Variants in STAT1 observed in about 807,000 individuals in gnomAD.
STAT1 encodes the protein signal transducer and activator of transcription 1-alpha/beta.
A neutral mutation model predicts 111.7 loss-of-function variants in STAT1; 24 were observed. The observed-to-expected ratio is 0.21, with a 90% CI of 0.16 to 0.30. The LOEUF is 0.30. Among genes scored for constraint, STAT1 ranks in the 10% least tolerant of loss-of-function variants. STAT1 has a pLI of 1.00. For synonymous variants in STAT1, 332 were observed against 326.5 expected, an observed-to-expected ratio of 1.02 and a Z score of -0.18; for missense variants, 351 against 911.9, an observed-to-expected ratio of 0.38 and a Z score of 7.92.
Position 190,981,811 on chromosome 2 carries a change from T to C in STAT1, c.1582+572A>G, listed in dbSNP as rs1692415878. Among the ~76,000 whole-genome samples, 1 of 152,270 alleles carries C rather than the reference T, an allele frequency of 6.6e-6. No individual in the cohort carries two copies. The highest frequency in any genetic ancestry group is 2.1e-4 in the South Asian group (1 of 4,834). On this transcript the variant is annotated intron_variant, in intron 18 of 24. Coordinates refer to ENST00000361099, the MANE Select transcript of STAT1 (RefSeq NM_007315.4). The surrounding 1 kb of genome is among the most constrained non-coding windows in gnomAD (Gnocchi z 4.1). ...TAGTGGATCTTTGATTTGTTTAGTA[T>C]GAAGGACTAATAAATGCACTGACAT... is the stretch of plus-strand genomic sequence containing the variant.
rs13012785 is a variant in STAT1, at chr2:190,987,720, T to G, written c.1098-652A>C. ...TTTGTCATGTTCTGGCCAAATAATGTATCCGTGAGCGTCCTAGATGTAGAC... is the reference window on the plus strand; with the variant it reads ...TTTGTCATGTTCTGGCCAAATAATGGATCCGTGAGCGTCCTAGATGTAGAC... On this transcript the variant is annotated intron_variant, in intron 12 of 24. Coordinates refer to ENST00000361099, the MANE Select transcript of STAT1 (RefSeq NM_007315.4). This position sits in a 1 kb window ranked among gnomAD's most constrained non-coding sequence, Gnocchi z 4.0. Among the ~76,000 whole-genome samples, 1 of 152,218 alleles carries G rather than the reference T, an allele frequency of 6.6e-6. No individual in the cohort carries two copies. The highest frequency in any genetic ancestry group is 1.5e-5 in the Non-Finnish European group (1 of 68,030).
At position 190,999,870 on chromosome 2, in the gene STAT1, C is replaced by T. The variant is rs554366478; in HGVS notation, c.463-166G>A. 5.3e-5 allele frequency among the ~76,000 whole-genome samples: 8 copies of T among 152,262 alleles called. No homozygotes were observed. The highest frequency in any genetic ancestry group is 2.1e-4 in the South Asian group (1 of 4,826). ...TCTAATCATATACATGAAATAATTTCGGTTTCATTAATAAGTATGTCATAA... is the reference window on the plus strand; with the variant it reads ...TCTAATCATATACATGAAATAATTTTGGTTTCATTAATAAGTATGTCATAA... On this transcript the variant is annotated intron_variant, in intron 6 of 24. Coordinates refer to ENST00000361099, the MANE Select transcript of STAT1 (RefSeq NM_007315.4). The surrounding 1 kb of genome is among the most constrained non-coding windows in gnomAD (Gnocchi z 4.1).
In STAT1 at chr2:190,982,301, T is replaced by C. The variant is rs978720146; in HGVS notation, c.1582+82A>G. ...TAGTACTTTTTTACCTTTAACAAAA[T>C]AGCAGAGGGGAAAAGAGCAATTAGA... On this transcript the variant is annotated intron_variant, in intron 18 of 24. Coordinates refer to ENST00000361099, the MANE Select transcript of STAT1 (RefSeq NM_007315.4). This position sits in a 1 kb window ranked among gnomAD's most constrained non-coding sequence, Gnocchi z 7.3. The C allele has an allele frequency of 1.3e-6, 2 of 1,538,904 alleles. No individual in the cohort carries two copies. Among genetic ancestry groups the C allele is most frequent in the African/African-American group, 1.4e-5 (1 of 73,156 alleles).
chr2:190,974,300 C>A lies in STAT1; in HGVS notation c.2238+530G>T, dbSNP rs1479736933. Reference sequence around the variant, plus strand: ...TCATTAACTATTTCACTCCTTGAACCTTTTACTCTTGGCAAGCCCTTCACA... The same window carrying A: ...TCATTAACTATTTCACTCCTTGAACATTTTACTCTTGGCAAGCCCTTCACA... On this transcript the variant is annotated intron_variant, in intron 24 of 24. Coordinates refer to ENST00000361099, the MANE Select transcript of STAT1 (RefSeq NM_007315.4). The surrounding 1 kb of genome is among the most constrained non-coding windows in gnomAD (Gnocchi z 4.8). Among the ~76,000 whole-genome samples the A allele has an allele frequency of 1.3e-5, 2 of 152,190 alleles. No homozygotes were observed. Among genetic ancestry groups the A allele is most frequent in the Non-Finnish European group, 2.9e-5 (2 of 68,036 alleles).
At chr2:190,972,233 T>A (rs532275394) in intron 24 of STAT1, among the ~76,000 whole-genome samples, 1 of 152,358 alleles carries the variant, frequency 6.6e-6, no homozygotes, top group South Asian at 2.1e-4. Context: ...TTAGATGGCA[T>A]ACGTAAAATG....
chr2:190,992,828 C>G (rs1033294198), intron 10 of STAT1: 10 of 356,116 alleles, frequency 2.8e-5, no homozygotes, highest in Middle Eastern at 7.7e-4. Flanking sequence ...CTTGCTCCGT[C>G]TCCTAGGCTG....
intron 5 of STAT1, among the ~76,000 whole-genome samples, chr2:191,001,466 C>T (rs1049489420): frequency 2.6e-5 from 4 of 152,178 alleles, no homozygotes; most frequent in Non-Finnish European, 5.9e-5. Context: ...TTCTCAGATA[C>T]TATACACAAG....
At position 190,975,347 on chromosome 2, in the gene STAT1, T is replaced by G. The variant is rs1016336173; in HGVS notation, c.2136-415A>C. 6.2e-6 allele frequency: 3 copies of G among 484,170 alleles called. No homozygotes were observed. Among genetic ancestry groups the G allele is most frequent in the Non-Finnish European group, 1.3e-5 (3 of 237,312 alleles). The allele number at this position is 484,170 out of a possible 1,614,324, so 30.0% of individuals were successfully genotyped here. On this transcript the variant is annotated intron_variant, in intron 23 of 24. Transcript: ENST00000361099. This position sits in a 1 kb window ranked among gnomAD's most constrained non-coding sequence, Gnocchi z 5.9. ...ATGCAGATAAAGCTGCTCCACACAGTGTTTTTACATGAAGGCTACATCCAT... is the reference window on the plus strand; with the variant it reads ...ATGCAGATAAAGCTGCTCCACACAGGGTTTTTACATGAAGGCTACATCCAT...
Position 190,969,906 on chromosome 2 carries a change from T to G in STAT1, c.*797A>C, listed in dbSNP as rs1270055315. The G allele has an allele frequency of 6.6e-6, 1 of 152,286 alleles. No individual in the cohort carries two copies. 9.4% of individuals were successfully genotyped at this position (152,286 alleles called of 1,614,324 possible). A position where few individuals can be genotyped will look rare whatever the true frequency, so the allele number is the denominator to read the frequency against. On this transcript the variant is annotated 3_prime_UTR_variant, in exon 25 of 25. Transcript: ENST00000361099. The stretch of plus-strand genomic sequence containing the variant: ...GTGGTTGTGAATAGCCTAACTCCCT[T>G]GGGAGAACTGTAAAAATAATTGTAT...
intron 5 of STAT1, among the ~76,000 whole-genome samples, chr2:191,002,119 T>A (rs185230845): frequency 2.0e-5 from 3 of 152,224 alleles, no homozygotes; most frequent in Non-Finnish European, 4.4e-5. Flanking sequence ...CTCATTTCCC[T>A]AGCACTTGCA....
At position 190,980,770 on chromosome 2, in the gene STAT1, A is replaced by G; in HGVS notation, c.1583-101T>C. ...ATTTGCTCTCAAGGAAAAGAGCCAA[A>G]CACCCAACAAAGATTGTATGTACAC... is the stretch of plus-strand genomic sequence containing the variant. On this transcript the variant is annotated intron_variant, in intron 18 of 24. Coordinates refer to ENST00000361099, the MANE Select transcript of STAT1 (RefSeq NM_007315.4). The surrounding 1 kb of genome is among the most constrained non-coding windows in gnomAD (Gnocchi z 6.1). The G allele has an allele frequency of 1.7e-6, 2 of 1,149,496 alleles. No homozygotes were observed. Among genetic ancestry groups the G allele is most frequent in the Non-Finnish European group, 2.6e-6 (2 of 769,062 alleles). 71.2% of individuals were successfully genotyped at this position (1,149,496 alleles called of 1,614,324 possible).
rs1423147462 is a variant in STAT1 at position 191,007,319 on chromosome 2, C to CTT, written c.372+242_372+243dup. ...AATTCAGCATGTTATCTTCTCAGCACTTTATGCTACCCAGAAGTATCTTGT... is the reference window on the plus strand; with the variant it reads ...AATTCAGCATGTTATCTTCTCAGCACTTTTTATGCTACCCAGAAGTATCTTGT... On this transcript the variant is annotated intron_variant, in intron 5 of 24. Coordinates refer to ENST00000361099, the MANE Select transcript of STAT1 (RefSeq NM_007315.4). This position sits in a 1 kb window ranked among gnomAD's most constrained non-coding sequence, Gnocchi z 4.2. 1.3e-5 allele frequency among the ~76,000 whole-genome samples: 2 copies of CTT among 152,210 alleles called. No individual in the cohort carries two copies. Among genetic ancestry groups the CTT allele is most frequent in the Non-Finnish European group, 2.9e-5 (2 of 68,042 alleles).
chr2:191,000,665 T>C lies in STAT1; in HGVS notation c.462+409A>G, dbSNP rs563583968. Among the ~76,000 whole-genome samples the C allele has an allele frequency of 6.6e-6, 1 of 152,284 alleles. No individual in the cohort carries two copies. Among genetic ancestry groups the C allele is most frequent in the African/African-American group, 2.4e-5 (1 of 41,558 alleles). ...TGTATCCAAATTTCTTTCAATAAAA[T>C]GTATTTTTGTTCCTCTTCCAAGTCT... is the stretch of plus-strand genomic sequence containing the variant. On this transcript the variant is annotated intron_variant, in intron 6 of 24. Coordinates refer to ENST00000361099, the MANE Select transcript of STAT1 (RefSeq NM_007315.4). This position sits in a 1 kb window ranked among gnomAD's most constrained non-coding sequence, Gnocchi z 4.8.
Position 190,974,747 on chromosome 2 carries a change from C to T in STAT1, c.2238+83G>A. On this transcript the variant is annotated intron_variant, in intron 24 of 24. Transcript: ENST00000361099. This position sits in a 1 kb window ranked among gnomAD's most constrained non-coding sequence, Gnocchi z 4.8. ...GCCAGGGCTCCCTCCCGCAGACAGG[C>T]CCGGGATCTGCCATGGTGCGCTCCC... The T allele has an allele frequency of 8.0e-7, 1 of 1,246,720 alleles. No homozygotes were observed. The highest frequency in any genetic ancestry group is 1.2e-6 in the Non-Finnish European group (1 of 849,280). 77.2% of individuals were successfully genotyped at this position (1,246,720 alleles called of 1,614,324 possible). A position where few individuals can be genotyped will look rare whatever the true frequency, so the allele number is the denominator to read the frequency against.
At position 190,986,996 on chromosome 2, in the gene STAT1, A is replaced by G; in HGVS notation, c.1127+43T>C. The G allele has an allele frequency of 6.2e-7, 1 of 1,611,280 alleles. No homozygotes were observed. Among genetic ancestry groups the G allele is most frequent in the Non-Finnish European group, 8.5e-7 (1 of 1,177,386 alleles). On this transcript the variant is annotated intron_variant, in intron 13 of 24. Coordinates refer to ENST00000361099, the MANE Select transcript of STAT1 (RefSeq NM_007315.4). This position sits in a 1 kb window ranked among gnomAD's most constrained non-coding sequence, Gnocchi z 5.0. ...CTGAAAAGTCTTCCAACTATTAAAT[A>G]AATAAAAATATAGCACAGTATAGCG...
rs747088864 is a variant in STAT1 at position 191,009,109 on chromosome 2, TAGG to T, written c.129-5_129-3del. 3.5e-5 allele frequency: 57 copies of T among 1,613,952 alleles called. No individual in the cohort carries two copies. Among genetic ancestry groups the T allele is most frequent in the Non-Finnish European group, 4.6e-5 (54 of 1,179,928 alleles). ...GAAACATCATTGGCAGCGTGCTCCC[TAGG>T]AGATTTAACATTTACACATTTCATT... On this transcript the variant is annotated splice_polypyrimidine_tract_variant and splice_region_variant and intron_variant, in intron 3 of 24. Coordinates refer to ENST00000361099, the MANE Select transcript of STAT1 (RefSeq NM_007315.4).
chr2:190,983,560 T>G lies in STAT1; in HGVS notation c.1446+82A>C. 3 of 1,222,490 alleles carry G rather than the reference T, an allele frequency of 2.5e-6. No homozygotes were observed. The highest frequency in any genetic ancestry group is 2.4e-6 in the Non-Finnish European group (2 of 824,808). 75.7% of individuals were successfully genotyped at this position (1,222,490 alleles called of 1,614,324 possible). On this transcript the variant is annotated intron_variant, in intron 17 of 24. Coordinates refer to ENST00000361099, the MANE Select transcript of STAT1 (RefSeq NM_007315.4). This position sits in a 1 kb window ranked among gnomAD's most constrained non-coding sequence, Gnocchi z 5.7. ...TCACTTCTCCCTTAACAACTGGCCA[T>G]TGGGGCTATTTCAGAGATGCAGCAG...
At chr2:191,010,090 T>C (rs1695009082) in intron 2 of STAT1, 86 bp from the exon 3 acceptor site, 12 of 1,474,258 alleles carry the variant, frequency 8.1e-6, no homozygotes, top group Admixed American at 3.6e-5. Flanking sequence ...GGTTGTACTC[T>C]TAAATATCTT....
At chr2:190,994,427 G>A (rs1693654824) in intron 10 of STAT1, among the ~76,000 whole-genome samples, 2 of 152,078 alleles carry the variant, frequency 1.3e-5, no homozygotes, top group South Asian at 2.1e-4. Flanking sequence ...TGGGGAGGCT[G>A]GGGAAGAGTC....
Sources: allele counts gnomAD v4.1 joint callset (sites outside exome capture counted in the v4.1 genomes callset), GRCh38; gene constraint gnomAD v4.1.1; non-coding constraint Gnocchi (gnomAD v3.1); transcripts MANE v1.5; gene names NCBI Gene and HGNC (gene_info 2026-07-23, HGNC 2026-07-21).